The following SULT2B1 variants were observed in gnomAD, a reference collection of about 807,000 sequenced individuals.
The protein encoded by SULT2B1 is sulfotransferase family 2B member 1.
Under a neutral mutation model 33.2 loss-of-function variants are expected in SULT2B1, and 16 were observed. The observed-to-expected ratio is 0.48, with a 90% confidence interval of 0.33 to 0.73. SULT2B1 has a LOEUF of 0.73. SULT2B1 is among the 30% of genes least tolerant of loss of function. The probability of loss-of-function intolerance (pLI) is 0.02; values close to 1 mark genes in which losing one functional copy is unlikely to be tolerated. For missense variants in SULT2B1, 500 were observed against 506.0 expected (o/e 0.99, Z 0.11); for synonymous variants, 186 against 200.5 (o/e 0.93, Z 0.61).
chr19:48,556,805 G>A (rs769699178), intron 1 of SULT2B1, among the ~76,000 whole-genome samples: 2 of 151,578 alleles, frequency 1.3e-5, no homozygotes, highest in Non-Finnish European at 2.9e-5. Flanking sequence ...AAAAAAATTA[G>A]CCAGAGTTGT....
intron 2 of SULT2B1, among the ~76,000 whole-genome samples, chr19:48,586,354 G>T (rs1601106960): frequency 1.3e-5 from 2 of 152,180 alleles, no homozygotes; most frequent in Admixed American, 1.3e-4. Context: ...GGAAGTTGGT[G>T]GGGGGATATC....
At chr19:48,568,648 TG>T (rs1315586765) in intron 1 of SULT2B1, among the ~76,000 whole-genome samples, 1 of 152,132 alleles carries the variant, frequency 6.6e-6, no homozygotes, top group African/African-American at 2.4e-5. Context: ...GGACACTGCT[TG>T]GCGCGTCCTG....
intron 3 of SULT2B1, among the ~76,000 whole-genome samples, chr19:48,589,296 G>A (rs570012580): frequency 6.6e-6 from 1 of 151,972 alleles, no homozygotes; most frequent in Non-Finnish European, 1.5e-5. Context: ...CTGTCAGGGT[G>A]GGGCAACTGG....
At chr19:48,568,691 G>T (rs148081171) in intron 1 of SULT2B1, among the ~76,000 whole-genome samples, 9 of 152,154 alleles carry the variant, frequency 5.9e-5, no homozygotes, top group Non-Finnish European at 1.3e-4. Flanking sequence ...AGCTCAGGCT[G>T]GTGGTGGGGG....
At chr19:48,581,889 T>A (rs61501987) in intron 2 of SULT2B1, among the ~76,000 whole-genome samples, 12,057 of 94,770 alleles carry the variant, frequency 0.13, 553 homozygotes, top group African/African-American at 0.14. Context: ...TTATTATTAT[T>A]ATATTATTAT....
rs554134446 is a variant in SULT2B1, at chr19:48,570,597, T to C, written c.72-5344T>C. The stretch of plus-strand genomic sequence containing the variant: ...TTGGCAATTATGAGTACAGTGGCTA[T>C]AAACATGAGTGTAGATGAGGGTCAA... On this transcript the variant is annotated intron_variant, in intron 1 of 6. Coordinates refer to ENST00000201586, the MANE Select transcript of SULT2B1 (RefSeq NM_177973.2). Among the ~76,000 whole-genome samples the C allele has an allele frequency of 1.1e-4, 16 of 152,328 alleles. No individual in the cohort carries two copies. The South Asian group carries it at 3.3e-3, about 32-fold the overall frequency.
chr19:48,574,700 A>C (rs550571757), intron 1 of SULT2B1, among the ~76,000 whole-genome samples: 1 of 152,330 alleles, frequency 6.6e-6, no homozygotes, highest in African/African-American at 2.4e-5. Context: ...ACAGATGAGG[A>C]AACTGAGGAT....
intron 1 of SULT2B1, among the ~76,000 whole-genome samples, chr19:48,560,687 G>A (rs1304687605): frequency 4.6e-5 from 7 of 152,286 alleles, no homozygotes; most frequent in East Asian, 1.9e-4. Context: ...GAGGCTGGGC[G>A]TGGTGGCTCA....
intron 1 of SULT2B1, among the ~76,000 whole-genome samples, chr19:48,563,781 A>G (rs1973209257): frequency 6.6e-6 from 1 of 152,178 alleles, no homozygotes; most frequent in Admixed American, 6.6e-5. Flanking sequence ...CCTGACCAAC[A>G]TGGCGAAACC....
chr19:48,561,314 G>T (rs1239177599), intron 1 of SULT2B1, among the ~76,000 whole-genome samples: 1 of 151,452 alleles, frequency 6.6e-6, no homozygotes, highest in Non-Finnish European at 1.5e-5. Flanking sequence ...TGTAATCCCA[G>T]CTACTCTGCG....
intron 5 of SULT2B1, among the ~76,000 whole-genome samples, chr19:48,593,689 C>T (rs1428996806): frequency 6.6e-6 from 1 of 151,128 alleles, no homozygotes; most frequent in Admixed American, 6.6e-5. Context: ...GGATGGAGTG[C>T]AATGGCATGA....
intron 1 of SULT2B1, among the ~76,000 whole-genome samples, chr19:48,559,567 C>T (rs1973148055): frequency 1.3e-5 from 2 of 152,022 alleles, no homozygotes; most frequent in Non-Finnish European, 1.5e-5. Context: ...GACAGGGTTT[C>T]GCCATGCTGG....
At chr19:48,559,823 C>T (rs577797264) in intron 1 of SULT2B1, among the ~76,000 whole-genome samples, 2 of 152,092 alleles carry the variant, frequency 1.3e-5, no homozygotes, top group South Asian at 4.1e-4. Context: ...ACACCGCAGG[C>T]AAGAAAGCCT....
chr19:48,564,005 G>A (rs968194349), intron 1 of SULT2B1, among the ~76,000 whole-genome samples: 3 of 151,100 alleles, frequency 2.0e-5, no homozygotes, highest in East Asian at 1.9e-4. Flanking sequence ...GAAGAAGACT[G>A]GGCTGAGGTG....
intron 1 of SULT2B1, among the ~76,000 whole-genome samples, chr19:48,561,049 T>C (rs2147598765): frequency 6.6e-6 from 1 of 152,106 alleles, no homozygotes; most frequent in African/African-American, 2.4e-5. Context: ...GGAGGATTGT[T>C]TGAACCCAGG....
At chr19:48,574,693 G>C (rs1973379501) in intron 1 of SULT2B1, among the ~76,000 whole-genome samples, 1 of 152,216 alleles carries the variant, frequency 6.6e-6, no homozygotes, top group Non-Finnish European at 1.5e-5. Context: ...TCACATGACA[G>C]ATGAGGAAAC....
At chr19:48,598,884 G>T (rs1461176737) in intron 6 of SULT2B1, among the ~76,000 whole-genome samples, 1 of 152,132 alleles carries the variant, frequency 6.6e-6, no homozygotes. Context: ...GGATAAAGGG[G>T]AGGACTGGCA....
intron 6 of SULT2B1, among the ~76,000 whole-genome samples, chr19:48,598,448 C>T (rs917025698): frequency 2.2e-4 from 34 of 152,002 alleles, no homozygotes; most frequent in African/African-American, 8.0e-4. Context: ...AAAAATTAGC[C>T]GGGCGTGGTG....
At chr19:48,597,756 G>A (rs919312310) in intron 6 of SULT2B1, among the ~76,000 whole-genome samples, 1 of 149,756 alleles carries the variant, frequency 6.7e-6, no homozygotes, top group African/African-American at 2.5e-5. Flanking sequence ...CAATTCTCCT[G>A]CCTCAGCCTC....
Sources: allele counts gnomAD v4.1 joint callset (sites outside exome capture counted in the v4.1 genomes callset), GRCh38; gene constraint gnomAD v4.1.1; transcripts MANE v1.5; gene names NCBI Gene and HGNC (gene_info 2026-07-23, HGNC 2026-07-21).